RASA2: variants seen among roughly 807,000 people sequenced by gnomAD.
RASA2 encodes ras GTPase-activating protein 2.
Under a neutral mutation model 118.2 loss-of-function variants are expected in RASA2, and 155 were observed. That is an observed-to-expected ratio of 1.31 (90% CI 1.15 to 1.50). RASA2 has a LOEUF of 1.50. Among genes scored for constraint, RASA2 ranks in the 40% most tolerant of loss-of-function variants. The pLI, the probability that RASA2 is intolerant of heterozygous loss-of-function variation, is 0.00. For missense variants in RASA2, 1,016 were observed against 1,009.6 expected, an observed-to-expected ratio of 1.01 and a Z score of -0.09; for synonymous variants, 353 against 349.1, an observed-to-expected ratio of 1.01 and a Z score of -0.12.
intron 23 of RASA2, among the ~76,000 whole-genome samples, chr3:141,610,274 C>T (rs563897661): frequency 4.0e-4 from 58 of 144,052 alleles, no homozygotes; most frequent in African/African-American, 1.4e-3. Flanking sequence ...TATACTTTAT[C>T]GACTTTTTAA....
At chr3:141,547,021 T>C (rs2151107994) in intron 5 of RASA2, among the ~76,000 whole-genome samples, 1 of 152,290 alleles carries the variant, frequency 6.6e-6, no homozygotes, top group Middle Eastern at 3.4e-3. Context: ...TGTACGGATT[T>C]GTTTCTAGGT....
chr3:141,502,650 G>A (rs970054621), intron 1 of RASA2, among the ~76,000 whole-genome samples: 2 of 152,100 alleles, frequency 1.3e-5, no homozygotes, highest in Non-Finnish European at 2.9e-5. Context: ...TTATTGTGAA[G>A]ATTAAGTAAA....
intron 21 of RASA2, among the ~76,000 whole-genome samples, chr3:141,608,972 T>A (rs1447668344): frequency 6.6e-6 from 1 of 152,188 alleles, no homozygotes; most frequent in Non-Finnish European, 1.5e-5. Context: ...GGAGTGCTAT[T>A]GGATGCAGAG....
chr3:141,555,721 A>G (rs1398722923), intron 6 of RASA2, 119 bp from the exon 7 acceptor site: 34 of 760,556 alleles, frequency 4.5e-5, no homozygotes, highest in Non-Finnish European at 6.6e-5. Context: ...TTAAAACTGA[A>G]TCTTCCCTGA....
At chr3:141,568,958 A>G (rs2082868109) in intron 9 of RASA2, among the ~76,000 whole-genome samples, 2 of 152,074 alleles carry the variant, frequency 1.3e-5, no homozygotes, top group Admixed American at 1.3e-4. Flanking sequence ...TCAGTGTCCA[A>G]ATAAGGATGT....
chr3:141,573,993 C>G lies in RASA2; in HGVS notation c.1409C>G (p.Ser470Ter). 4 of 1,588,800 alleles carry G rather than the reference C, an allele frequency of 2.5e-6. No individual in the cohort carries two copies. The highest frequency in any genetic ancestry group is 1.1e-5 in the South Asian group (1 of 88,912). The stretch of plus-strand genomic sequence containing the variant: ...AAGTTATTCAATACAATTGTAAAAT[C>G]AAGTATGAGCTGCCCCACTGTAATG... ...VDKLFNTIVKSSMSCPTVMCD... is the reference protein window; with the variant it reads ...VDKLFNTIVK Residue 470 changes from serine (S) to a stop codon, truncating the protein, a stop_gained, in exon 14 of 24, where the codon TCA (serine) becomes TGA (stop). Transcript: ENST00000286364. LOFTEE classifies it high-confidence loss of function.
chr3:141,487,129 C>T lies in RASA2; in HGVS notation c.46C>T (p.Pro16Ser), dbSNP rs2081586663. Residue 16 changes from proline to serine, a missense_variant, in exon 1 of 24, where the codon CCA becomes TCA. By Grantham distance (74) the Pro-to-Ser change is moderately conservative. Transcript: ENST00000286364. ...TGCTGCGGCGGCTTCTTCCGAGGCG[C>T]CAGCGGCGAGTGCGACTGCAGAGCC... Reference protein sequence around the residue: ...PAAAAASSEAPAASATAEPEA... With the variant: ...PAAAAASSEASAASATAEPEA... The T allele has an allele frequency of 6.9e-7, 1 of 1,440,908 alleles. No homozygotes were observed. Among genetic ancestry groups the T allele is most frequent in the Admixed American group, 2.5e-5 (1 of 39,622 alleles). 89.3% of individuals were successfully genotyped at this position (1,440,908 alleles called of 1,614,324 possible). A position where few individuals can be genotyped will look rare whatever the true frequency, so the allele number is the denominator to read the frequency against.
chr3:141,605,815 A>G (rs2107798858), intron 19 of RASA2, among the ~76,000 whole-genome samples: 1 of 148,972 alleles, frequency 6.7e-6, no homozygotes, highest in South Asian at 2.1e-4. Flanking sequence ...TACCTACTTG[A>G]GTGTTGAGTA....
rs2082027021 is a variant in RASA2, at chr3:141,516,403, G to C, written c.327G>C (p.Lys109Asn). The C allele has an allele frequency of 1.3e-6, 2 of 1,553,812 alleles. No homozygotes were observed. Among genetic ancestry groups the C allele is most frequent in the Non-Finnish European group, 1.7e-6 (2 of 1,150,638 alleles). ...FQYLSFYVYD[K>N]NVLQRDLRIG... ...ATTTGTCTTTCTATGTTTATGATAA[G>C]AATGTTTTACAAAGAGATCTCCGTA... The change falls in exon 3 of 24, where the codon AAG becomes AAC. Residue 109 changes from lysine to asparagine, a missense_variant. Physicochemically the swap from Lys to Asn is moderately conservative, Grantham distance 94 (BLOSUM62 0). Transcript: ENST00000286364.
intron 4 of RASA2, among the ~76,000 whole-genome samples, chr3:141,537,488 G>A (rs2082344289): frequency 1.3e-5 from 2 of 152,098 alleles, no homozygotes; most frequent in Non-Finnish European, 1.5e-5. Context: ...GCTATTTTAG[G>A]CTGGATGCAG....
intron 5 of RASA2, among the ~76,000 whole-genome samples, chr3:141,552,080 T>C (rs1298191194): frequency 1.3e-5 from 2 of 152,210 alleles, no homozygotes; most frequent in East Asian, 3.8e-4. Context: ...TTAACTGTTT[T>C]ATATTTAAAA....
intron 2 of RASA2, among the ~76,000 whole-genome samples, chr3:141,512,983 A>G (rs1278796681): frequency 6.6e-6 from 1 of 151,750 alleles, no homozygotes; most frequent in Non-Finnish European, 1.5e-5. Flanking sequence ...GAATCGCTTG[A>G]ACCCAGGGGT....
At chr3:141,501,039 T>C (rs2081771449) in intron 1 of RASA2, among the ~76,000 whole-genome samples, 1 of 152,202 alleles carries the variant, frequency 6.6e-6, no homozygotes, top group South Asian at 2.1e-4. Context: ...AAAATCATTT[T>C]GCCAGATTTT....
intron 15 of RASA2, 47 bp downstream of exon 15, chr3:141,577,153 T>A (rs2083026089): frequency 7.1e-7 from 1 of 1,413,270 alleles, no homozygotes; most frequent in South Asian, 1.3e-5. Flanking sequence ...TTTTAATTTT[T>A]ATTAAAATGA....
At chr3:141,572,540 CAAGTATG>C (rs2082940455) in intron 11 of RASA2, 62 bp from the exon 12 acceptor site, 1 of 1,098,154 alleles carries the variant, frequency 9.1e-7, no homozygotes, top group African/African-American at 1.6e-5. Context: ...TTAAATTGGT[CAAGTATG>C]TTATATTATT....
At chr3:141,524,669 C>T (rs1273516415) in intron 3 of RASA2, among the ~76,000 whole-genome samples, 1 of 152,070 alleles carries the variant, frequency 6.6e-6, no homozygotes, top group Non-Finnish European at 1.5e-5. Context: ...CATCTTACTG[C>T]AACCTCTGCC....
chr3:141,585,802 C>CATAAATAA (rs60749303), intron 17 of RASA2, among the ~76,000 whole-genome samples: 82 of 151,848 alleles, frequency 5.4e-4, no homozygotes, highest in South Asian at 1.3e-3. Context: ...TCTGTCTCCA[C>CATAAATAA]ATAAATAAAT....
chr3:141,531,125 T>C (rs569633043), intron 4 of RASA2, among the ~76,000 whole-genome samples: 2 of 152,188 alleles, frequency 1.3e-5, no homozygotes, highest in Admixed American at 6.6e-5. Flanking sequence ...TTCCCTAATA[T>C]TCCTTTACCA....
chr3:141,585,487 G>T (rs2083186632), intron 17 of RASA2, among the ~76,000 whole-genome samples: 2 of 152,090 alleles, frequency 1.3e-5, no homozygotes, highest in Admixed American at 1.3e-4. Context: ...ATATGTTCTG[G>T]GTTTTAAGTA....
Sources: allele counts gnomAD v4.1 joint callset (sites outside exome capture counted in the v4.1 genomes callset), GRCh38; gene constraint gnomAD v4.1.1; transcripts MANE v1.5; gene names NCBI Gene and HGNC (gene_info 2026-07-23, HGNC 2026-07-21).